UCHL5: variants seen among roughly 807,000 people sequenced by gnomAD.
The protein encoded by UCHL5 is ubiquitin carboxyl-terminal hydrolase isozyme L5.
UCHL5 carries 34 observed loss-of-function variants against 53.8 expected under a neutral mutation model. That is an observed-to-expected ratio of 0.63 (90% confidence interval 0.48 to 0.84). The LOEUF is 0.84. Ranked by LOEUF, UCHL5 falls within the 40% of genes least tolerant of loss-of-function variation. The probability of loss-of-function intolerance (pLI) is 0.00; values close to 1 mark genes in which losing one functional copy is unlikely to be tolerated. For missense variants in UCHL5, 290 were observed against 385.6 expected, an observed-to-expected ratio of 0.75 and a Z score of 2.08; for synonymous variants, 111 against 126.3, an observed-to-expected ratio of 0.88 and a Z score of 0.81.
chr1:193,041,529 A>G (rs1665564783), intron 3 of UCHL5, among the ~76,000 whole-genome samples: 1 of 152,234 alleles, frequency 6.6e-6, no homozygotes. Flanking sequence ...TTGCTAGTGG[A>G]AATGCAAATT....
chr1:193,053,375 C>T (rs761234867), intron 1 of UCHL5, among the ~76,000 whole-genome samples: 1 of 152,180 alleles, frequency 6.6e-6, no homozygotes, highest in African/African-American at 2.4e-5. Flanking sequence ...GCCTCAAAGC[C>T]TCCTGCACTG....
At chr1:193,018,677 C>A (rs570574771) in intron 10 of UCHL5, 3 of 1,283,778 alleles carry the variant, frequency 2.3e-6, no homozygotes, top group Middle Eastern at 2.0e-4. Flanking sequence ...TATGTCATCA[C>A]AGATTATAGG....
At chr1:193,043,289 C>A (rs1490468228) in intron 3 of UCHL5, among the ~76,000 whole-genome samples, 1 of 151,562 alleles carries the variant, frequency 6.6e-6, no homozygotes, top group African/African-American at 2.4e-5. Context: ...CTCCCCTTTG[C>A]TCTGCACAGT....
At chr1:193,019,603 T>C (rs1206492145) in intron 10 of UCHL5, among the ~76,000 whole-genome samples, 1 of 151,702 alleles carries the variant, frequency 6.6e-6, no homozygotes, top group African/African-American at 2.4e-5. Context: ...ACAACAGAGT[T>C]GGTGTTCCAC....
intron 3 of UCHL5, among the ~76,000 whole-genome samples, chr1:193,042,145 G>A (rs553405099): frequency 7.3e-5 from 11 of 150,860 alleles, no homozygotes; most frequent in African/African-American, 2.2e-4. Flanking sequence ...AATGTATATA[G>A]AGCACGATAC....
chr1:193,020,351 C>A, intron 10 of UCHL5: 1 of 1,547,960 alleles, frequency 6.5e-7, no homozygotes, highest in Non-Finnish European at 8.7e-7. Flanking sequence ...TTTTATTTGC[C>A]TAGTAGTGTC....
chr1:193,052,148 T>C (rs1252633452), intron 1 of UCHL5, among the ~76,000 whole-genome samples: 1 of 152,176 alleles, frequency 6.6e-6, no homozygotes, highest in Non-Finnish European at 1.5e-5. Flanking sequence ...CCTTATATTA[T>C]TATTATTTTT....
chr1:193,023,959 T>C lies in UCHL5; in HGVS notation c.630-13A>G, dbSNP rs1558018180. On this transcript the variant is annotated splice_polypyrimidine_tract_variant and intron_variant, in intron 7 of 10. Coordinates refer to ENST00000367454, the MANE Select transcript of UCHL5 (RefSeq NM_001199261.3). The stretch of plus-strand genomic sequence containing the variant: ...ACCTTCACTGTACCTAGAAGAAAAT[T>C]ATTTAAGTTTATAATGTAATAAAGA... The C allele has an allele frequency of 6.6e-7, 1 of 1,521,540 alleles. No homozygotes were observed. Among genetic ancestry groups the C allele is most frequent in the Admixed American group, 1.8e-5 (1 of 56,068 alleles). The allele number at this position is 1,521,540 out of a possible 1,614,324, so 94.3% of individuals were successfully genotyped here. A position where few individuals can be genotyped will look rare whatever the true frequency, so the allele number is the denominator to read the frequency against.
rs1292950928 is a variant in UCHL5 at position 193,023,926 on chromosome 1, C to G, written c.650G>C (p.Arg217Pro). 6.2e-7 allele frequency: 1 copy of G among 1,610,308 alleles called. No homozygotes were observed. The highest frequency in any genetic ancestry group is 1.3e-5 in the African/African-American group (1 of 74,690). ...AGACACAATGGCCATTAAATTAAAT[C>G]GAATTTCACCTTCACTGTACCTAGA... ...RIQKYSEGEI[R>P]FNLMAIVSDR... The change falls in exon 8 of 11, where the codon CGA (arginine) becomes CCA (proline). Residue 217 changes from arginine to proline, a missense_variant. Arg to Pro is a moderately radical substitution (Grantham distance 103). Coordinates refer to ENST00000367454, the MANE Select transcript of UCHL5 (RefSeq NM_001199261.3).
At chr1:193,055,434 T>TG (rs1408870398) in intron 1 of UCHL5, among the ~76,000 whole-genome samples, 1 of 152,184 alleles carries the variant, frequency 6.6e-6, no homozygotes, top group Non-Finnish European at 1.5e-5. Context: ...CTCATGGACT[T>TG]GGAGGAAAAG....
At chr1:193,032,673 T>C (rs1282493845) in intron 3 of UCHL5, among the ~76,000 whole-genome samples, 1 of 151,954 alleles carries the variant, frequency 6.6e-6, no homozygotes, top group African/African-American at 2.4e-5. Context: ...CTTAAACAAA[T>C]GCAGAAGAAA....
chr1:193,038,513 T>A (rs1664431897), intron 3 of UCHL5, among the ~76,000 whole-genome samples: 1 of 149,882 alleles, frequency 6.7e-6, no homozygotes, highest in Non-Finnish European at 1.5e-5. Context: ...ACAAGGATGA[T>A]CATTTTTACC....
intron 3 of UCHL5, among the ~76,000 whole-genome samples, chr1:193,033,401 T>C (rs935172196): frequency 6.6e-6 from 1 of 151,796 alleles, no homozygotes; most frequent in Non-Finnish European, 1.5e-5. Context: ...AGGGGAGGGA[T>C]AGCATTAGGA....
intron 7 of UCHL5, among the ~76,000 whole-genome samples, chr1:193,026,219 ATT>A (rs1659170790): frequency 6.6e-6 from 1 of 152,016 alleles, no homozygotes; most frequent in Admixed American, 6.6e-5. Flanking sequence ...CAGGAAAAAA[ATT>A]TTGGTATCTA....
chr1:193,054,850 G>C (rs1021405294), intron 1 of UCHL5, among the ~76,000 whole-genome samples: 3 of 152,144 alleles, frequency 2.0e-5, no homozygotes, highest in African/African-American at 7.2e-5. Flanking sequence ...TGTTATAGAT[G>C]ATGGAATTAC....
At chr1:193,038,638 A>G (rs1390760111) in intron 3 of UCHL5, among the ~76,000 whole-genome samples, 4 of 152,202 alleles carry the variant, frequency 2.6e-5, no homozygotes, top group African/African-American at 2.4e-5. Context: ...CATAGCTGAC[A>G]TAATCTTAGA....
intron 10 of UCHL5, among the ~76,000 whole-genome samples, 185 bp downstream of exon 10, chr1:193,020,912 A>AT (rs1656756818): frequency 6.6e-6 from 1 of 151,152 alleles, no homozygotes; most frequent in Non-Finnish European, 1.5e-5. Context: ...GTAATTCTTT[A>AT]TTTTTGTTTT....
intron 1 of UCHL5, among the ~76,000 whole-genome samples, chr1:193,058,428 T>C (rs1257577236): frequency 6.6e-6 from 1 of 152,232 alleles, no homozygotes; most frequent in Non-Finnish European, 1.5e-5. Context: ...AAAAACGTAC[T>C]GTCCAAAGAA....
At position 193,059,292 on chromosome 1, in the gene UCHL5, C is replaced by T; in HGVS notation, c.-32G>A. 1.2e-6 allele frequency: 2 copies of T among 1,612,700 alleles called. No homozygotes were observed. Among genetic ancestry groups the T allele is most frequent in the Non-Finnish European group, 1.7e-6 (2 of 1,179,502 alleles). The stretch of plus-strand genomic sequence containing the variant: ...GGCCACACACCGCCCCGATCCACCT[C>T]TCGCTCTCAGCTGCCCCCCGCACCA... On this transcript the variant is annotated 5_prime_UTR_variant, in exon 1 of 11. Transcript: ENST00000367454. The surrounding 1 kb of genome is among the most constrained non-coding windows in gnomAD (Gnocchi z 4.9).
Sources: gnomAD v4.1 joint callset for allele counts (sites outside exome capture counted in the v4.1 genomes callset) on GRCh38, gnomAD v4.1.1 for gene constraint, Gnocchi (gnomAD v3.1) non-coding constraint, MANE v1.5 for transcripts, NCBI Gene and HGNC (gene_info 2026-07-23, HGNC 2026-07-21) for gene names.